The following PRKAA2 variants were observed in gnomAD, a reference collection of about 807,000 sequenced individuals.
The protein encoded by PRKAA2 is 5'-AMP-activated protein kinase catalytic subunit alpha-2.
In PRKAA2, 40 loss-of-function variants were observed where a neutral mutation model predicts 56.3. That is an observed-to-expected ratio of 0.71 (90% CI 0.55 to 0.92). The LOEUF is 0.92. PRKAA2 is among the 40% of genes least tolerant of loss of function. The probability of loss-of-function intolerance (pLI) is 0.00; values close to 1 mark genes in which losing one functional copy is unlikely to be tolerated. For synonymous variants in PRKAA2, 214 were observed against 234.2 expected (o/e 0.91, Z 0.79); for missense variants, 542 against 686.9 (o/e 0.79, Z 2.36).
At chr1:56,668,132 C>T (rs1166730662) in intron 1 of PRKAA2, among the ~76,000 whole-genome samples, 1 of 151,886 alleles carries the variant, frequency 6.6e-6, no homozygotes, top group Non-Finnish European at 1.5e-5. Context: ...ACTTTTCAAG[C>T]ACCAAAAAAG....
chr1:56,671,266 G>T (rs898949560), intron 1 of PRKAA2, among the ~76,000 whole-genome samples: 39 of 152,224 alleles, frequency 2.6e-4, no homozygotes, highest in Admixed American at 8.5e-4. Flanking sequence ...AGGCAAAAAA[G>T]GCTAAATCCC....
rs1553151125 is a variant in PRKAA2, at chr1:56,708,687, C to CCCTTCACCTCACCTCA, written c.*978_*993dup. On this transcript the variant is annotated 3_prime_UTR_variant, in exon 9 of 9. Transcript: ENST00000371244. ...TGCTAATTCTTCATTGGAAGCCACT[C>CCCTTCACCTCACCTCA]CCTTCACCTCACCTCACCTAGTCAC... The CCCTTCACCTCACCTCA allele has an allele frequency of 6.6e-6, 1 of 151,912 alleles. No homozygotes were observed. Among genetic ancestry groups the CCCTTCACCTCACCTCA allele is most frequent in the East Asian group, 1.9e-4 (1 of 5,196 alleles). The allele number at this position is 151,912 out of a possible 1,614,324, so 9.4% of individuals were successfully genotyped here.
At chr1:56,674,715 TTTCTAAATTAGTACTCAATTTA>T in intron 2 of PRKAA2, among the ~76,000 whole-genome samples, 193 bp downstream of exon 2, 1 of 151,804 alleles carries the variant, frequency 6.6e-6, no homozygotes, top group South Asian at 2.1e-4. Flanking sequence ...ACAGACATTG[TTTCTAAATTAGTACTCAATTTA>T]TGTTTCTAAA....
At chr1:56,684,475 G>A (rs193190849) in intron 2 of PRKAA2, among the ~76,000 whole-genome samples, 1 of 152,044 alleles carries the variant, frequency 6.6e-6, no homozygotes, top group Non-Finnish European at 1.5e-5. Flanking sequence ...TCCAAGGACT[G>A]GGCTCTAGAA....
At chr1:56,659,814 G>A (rs1470164751) in intron 1 of PRKAA2, among the ~76,000 whole-genome samples, 1 of 152,008 alleles carries the variant, frequency 6.6e-6, no homozygotes, top group Admixed American at 6.5e-5. Flanking sequence ...GAACTGAGGC[G>A]GGAGGATCGC....
At chr1:56,677,658 CTTTTTTT>C (rs10597018) in intron 2 of PRKAA2, among the ~76,000 whole-genome samples, 1 of 144,546 alleles carries the variant, frequency 6.9e-6, no homozygotes, top group Non-Finnish European at 1.5e-5. Flanking sequence ...GCTTCTTTTC[CTTTTTTT>C]TTTTTTTTTT....
Position 56,704,343 on chromosome 1 carries a change from G to A in PRKAA2, c.1161G>A (p.Leu387=), listed in dbSNP as rs751058254. The A allele has an allele frequency of 1.9e-6, 3 of 1,614,046 alleles. No individual in the cohort carries two copies. Among genetic ancestry groups the A allele is most frequent in the African/African-American group, 1.3e-5 (1 of 74,930 alleles). The change falls in exon 7 of 9, where the codon CTG becomes CTA. Residue 387 remains leucine (L), a synonymous_variant. Transcript: ENST00000371244. ...AAGCAAGATGTCCATTGGATGCACT[G>A]AATACGACTAAGCCCAAATCTTTAG... ...SPKARCPLDA[L]NTTKPKSLAV...
chr1:56,708,613 T>TG lies in PRKAA2; in HGVS notation c.*901dup, dbSNP rs1644348943. 6.6e-6 allele frequency: 1 copy of TG among 152,236 alleles called. No individual in the cohort carries two copies. The highest frequency in any genetic ancestry group is 6.5e-5 in the Admixed American group (1 of 15,278). The allele number at this position is 152,236 out of a possible 1,614,324, so 9.4% of individuals were successfully genotyped here. A position where few individuals can be genotyped will look rare whatever the true frequency, so the allele number is the denominator to read the frequency against. ...TCCCTTAAATGAGAATCCTTATCTT[T>TG]GATCTTTATTTTCTGTGTTAGGTGT... On this transcript the variant is annotated 3_prime_UTR_variant, in exon 9 of 9. Coordinates refer to ENST00000371244, the MANE Select transcript of PRKAA2 (RefSeq NM_006252.4).
chr1:56,663,069 G>GT (rs1001749663), intron 1 of PRKAA2, among the ~76,000 whole-genome samples: 6 of 152,046 alleles, frequency 3.9e-5, no homozygotes, highest in African/African-American at 1.2e-4. Flanking sequence ...ACTCTGCTCT[G>GT]TTTTTTGTTT....
rs1282770803 is a variant in PRKAA2 at position 56,694,661 on chromosome 1, ATC to A, written c.563+815_563+816del. Among the ~76,000 whole-genome samples the A allele has an allele frequency of 4.0e-5, 6 of 151,846 alleles. No homozygotes were observed. The East Asian group carries it at 7.8e-4, about 20-fold the overall frequency. On this transcript the variant is annotated intron_variant, in intron 5 of 8. Coordinates refer to ENST00000371244, the MANE Select transcript of PRKAA2 (RefSeq NM_006252.4). Reference sequence around the variant, plus strand: ...CTTCACATGGTGAAAGGGACAAGGGATCTCTCTGGGGTCGCTCTTATAAGGGC... The same window carrying A: ...CTTCACATGGTGAAAGGGACAAGGGATCTCTGGGGTCGCTCTTATAAGGGC...
At chr1:56,700,833 GC>G (rs1479217928) in intron 6 of PRKAA2, among the ~76,000 whole-genome samples, 1 of 152,050 alleles carries the variant, frequency 6.6e-6, no homozygotes, top group African/African-American at 2.4e-5. Context: ...CCACCTCAAT[GC>G]CCCAGTGATT....
chr1:56,706,538 T>G (rs1400957421), intron 8 of PRKAA2, among the ~76,000 whole-genome samples: 1 of 152,226 alleles, frequency 6.6e-6, no homozygotes, highest in African/African-American at 2.4e-5. Flanking sequence ...TTTGTCATAT[T>G]TCTCCATTCA....
At chr1:56,651,079 G>A (rs1419299691) in intron 1 of PRKAA2, among the ~76,000 whole-genome samples, 1 of 152,110 alleles carries the variant, frequency 6.6e-6, no homozygotes, top group Non-Finnish European at 1.5e-5. Flanking sequence ...AACTCCCTGG[G>A]CCTTGTTTTC....
chr1:56,682,382 G>A (rs2100413950), intron 2 of PRKAA2, among the ~76,000 whole-genome samples: 1 of 152,324 alleles, frequency 6.6e-6, no homozygotes, highest in East Asian at 1.9e-4. Flanking sequence ...TTTGACCTAA[G>A]ACCTAAAGGA....
chr1:56,661,050 A>G (rs1643989539), intron 1 of PRKAA2, among the ~76,000 whole-genome samples: 1 of 152,078 alleles, frequency 6.6e-6, no homozygotes, highest in Non-Finnish European at 1.5e-5. Flanking sequence ...ACATATGTGC[A>G]TTACATAACG....
Position 56,691,500 on chromosome 1 carries a change from C to G in PRKAA2, c.330+13C>G, listed in dbSNP as rs1258966896. The G allele has an allele frequency of 6.4e-7, 1 of 1,555,540 alleles. No homozygotes were observed. The highest frequency in any genetic ancestry group is 1.7e-5 in the Admixed American group (1 of 58,604). ...TAAGCATGGACGGGTGAGTAACATA[C>G]TATCTGGTACACTAAATCTCTAAAC... is the stretch of plus-strand genomic sequence containing the variant. On this transcript the variant is annotated intron_variant, in intron 3 of 8. Coordinates refer to ENST00000371244, the MANE Select transcript of PRKAA2 (RefSeq NM_006252.4).
In PRKAA2 at chr1:56,711,975, A is replaced by G. The variant is rs1644371266; in HGVS notation, c.*4262A>G. 6.6e-6 allele frequency: 1 copy of G among 152,204 alleles called. No homozygotes were observed. The highest frequency in any genetic ancestry group is 1.5e-5 in the Non-Finnish European group (1 of 68,034). The allele number at this position is 152,204 out of a possible 1,614,324, so 9.4% of individuals were successfully genotyped here. ...GGAATGCAAATGGCAAAAATCATCC[A>G]GAAAACCAAACACGGTGAAACATCA... On this transcript the variant is annotated 3_prime_UTR_variant, in exon 9 of 9. Coordinates refer to ENST00000371244, the MANE Select transcript of PRKAA2 (RefSeq NM_006252.4).
chr1:56,652,819 T>C (rs1282897901), intron 1 of PRKAA2, among the ~76,000 whole-genome samples: 1 of 152,224 alleles, frequency 6.6e-6, no homozygotes, highest in Non-Finnish European at 1.5e-5. Flanking sequence ...AAGTACTTAC[T>C]TTCCATTGAA....
At chr1:56,680,445 G>A (rs1569756740) in intron 2 of PRKAA2, among the ~76,000 whole-genome samples, 1 of 151,964 alleles carries the variant, frequency 6.6e-6, no homozygotes, top group Admixed American at 6.6e-5. Flanking sequence ...TGCCATGTTG[G>A]TGTGCTGCAC....
Sources: gnomAD v4.1 joint callset for allele counts (sites outside exome capture counted in the v4.1 genomes callset) on GRCh38, gnomAD v4.1.1 for gene constraint, MANE v1.5 for transcripts, NCBI Gene and HGNC (gene_info 2026-07-23, HGNC 2026-07-21) for gene names.